The following RBFOX1 variants were observed in gnomAD, a reference collection of about 807,000 sequenced individuals.
The protein encoded by RBFOX1 is RNA binding fox-1 homolog 1, also known as RNA binding protein fox-1 homolog 1.
RBFOX1 carries 8 observed loss-of-function variants against 57.7 expected under a neutral mutation model. The ratio of observed to expected loss-of-function variants is 0.14; its 90% CI spans 0.08 to 0.25. The LOEUF is 0.25. RBFOX1 is among the 10% of genes least tolerant of loss of function. The pLI is 1.00. For synonymous variants in RBFOX1, 326 were observed against 222.4 expected (o/e 1.47, Z -4.15); for missense variants, 611 against 548.5 (o/e 1.11, Z -1.14).
At chr16:5,758,858 C>T (rs1254901106) in intron 3 of RBFOX1, among the ~76,000 whole-genome samples, 1 of 152,124 alleles carries the variant, frequency 6.6e-6, no homozygotes, top group Non-Finnish European at 1.5e-5. Context: ...TAATGTCCCA[C>T]TGTGGCAAAA....
chr16:5,310,305 G>A (rs1045671710), intron 1 of RBFOX1, among the ~76,000 whole-genome samples: 2 of 152,154 alleles, frequency 1.3e-5, no homozygotes, highest in African/African-American at 4.8e-5. Context: ...AGGAGGCTGA[G>A]GCAGAGAATT....
At chr16:6,355,032 C>A (rs1026892510) in intron 2 of RBFOX1, among the ~76,000 whole-genome samples, 1 of 152,148 alleles carries the variant, frequency 6.6e-6, no homozygotes, top group Non-Finnish European at 1.5e-5. Flanking sequence ...GCCTGACTTC[C>A]CAGTAGCAAA....
chr16:6,943,935 C>T (rs913502323), intron 3 of RBFOX1, among the ~76,000 whole-genome samples: 6 of 152,172 alleles, frequency 3.9e-5, no homozygotes, highest in Non-Finnish European at 8.8e-5. Context: ...TGACATATCC[C>T]TGGAGTCTCT....
chr16:6,522,568 A>G (rs2096522635), intron 2 of RBFOX1, among the ~76,000 whole-genome samples: 3 of 152,212 alleles, frequency 2.0e-5, no homozygotes. Flanking sequence ...AATTTAGCTG[A>G]CAGGAAAGTG....
chr16:7,083,573 A>C (rs2059528583), intron 4 of RBFOX1, among the ~76,000 whole-genome samples: 1 of 152,144 alleles, frequency 6.6e-6, no homozygotes. Flanking sequence ...GCTTTCTCAG[A>C]GCTTGTAAGA....
At chr16:5,898,762 T>TA (rs538721436) in intron 4 of RBFOX1, among the ~76,000 whole-genome samples, 5 of 151,784 alleles carry the variant, frequency 3.3e-5, no homozygotes, top group Admixed American at 1.3e-4. Context: ...TTAATTCATA[T>TA]AAAAAAATAG....
At chr16:5,770,710 G>C (rs11866128) in intron 3 of RBFOX1, among the ~76,000 whole-genome samples, 1,914 of 152,244 alleles carry the variant, frequency 0.013, 38 homozygotes, top group African/African-American at 0.043. Flanking sequence ...CTCAGTTTTG[G>C]TGCTCGCCTG....
chr16:6,417,709 A>T (rs1213648976), intron 2 of RBFOX1, among the ~76,000 whole-genome samples: 20 of 109,018 alleles, frequency 1.8e-4, no homozygotes, highest in Non-Finnish European at 1.9e-5. Context: ...TTTCTTTTTA[A>T]AAAAAAAAAA....
chr16:6,419,024 C>A (rs1383008815), intron 2 of RBFOX1, among the ~76,000 whole-genome samples: 2 of 152,212 alleles, frequency 1.3e-5, no homozygotes. Context: ...AGACTTTTCA[C>A]TGTGGCCGTT....
At chr16:6,194,802 CCTTCCCTT>C (rs1398549301) in intron 1 of RBFOX1, among the ~76,000 whole-genome samples, 1 of 152,180 alleles carries the variant, frequency 6.6e-6, no homozygotes, top group Non-Finnish European at 1.5e-5. Flanking sequence ...GTTTCGTGTA[CCTTCCCTT>C]GAGGGCAAGA....
At chr16:6,449,867 G>A (rs2094555187) in intron 2 of RBFOX1, among the ~76,000 whole-genome samples, 1 of 152,166 alleles carries the variant, frequency 6.6e-6, no homozygotes, top group Admixed American at 6.6e-5. Context: ...GATATGAGAG[G>A]CAGTATTCAG....
intron 4 of RBFOX1, among the ~76,000 whole-genome samples, chr16:6,002,222 C>T (rs564929879): frequency 6.6e-6 from 1 of 152,268 alleles, no homozygotes; most frequent in South Asian, 2.1e-4. Flanking sequence ...AATGATCCTC[C>T]CGCCCCAGCC....
intron 3 of RBFOX1, among the ~76,000 whole-genome samples, chr16:5,606,262 C>T (rs937227369): frequency 1.3e-5 from 2 of 152,114 alleles, no homozygotes; most frequent in African/African-American, 4.8e-5. Flanking sequence ...CTCCAGTGTC[C>T]ATGCCCCATG....
chr16:7,697,805 C>T (rs1268907550), intron 14 of RBFOX1, among the ~76,000 whole-genome samples: 2 of 152,124 alleles, frequency 1.3e-5, no homozygotes, highest in African/African-American at 4.8e-5. Flanking sequence ...TATCTTGCTC[C>T]TATGAAACTA....
intron 2 of RBFOX1, among the ~76,000 whole-genome samples, chr16:5,499,853 A>G (rs1015479278): frequency 1.3e-5 from 2 of 152,040 alleles, no homozygotes; most frequent in Non-Finnish European, 2.9e-5. Context: ...GATTACAGGC[A>G]TGAGCCACTG....
chr16:7,546,013 A>AT (rs1037233371), intron 5 of RBFOX1, among the ~76,000 whole-genome samples: 5 of 54,272 alleles, frequency 9.2e-5, no homozygotes, highest in Non-Finnish European at 2.9e-4. Flanking sequence ...CTCTGAGCTT[A>AT]TAAAAAAAAA....
chr16:6,525,506 G>A (rs1478848106), intron 2 of RBFOX1, among the ~76,000 whole-genome samples: 2 of 152,168 alleles, frequency 1.3e-5, no homozygotes, highest in Non-Finnish European at 2.9e-5. Flanking sequence ...CACTTTGTTG[G>A]TTGGTGCTGC....
At chr16:7,664,208 T>G (rs1296115791) in intron 12 of RBFOX1, among the ~76,000 whole-genome samples, 1 of 152,164 alleles carries the variant, frequency 6.6e-6, no homozygotes, top group East Asian at 1.9e-4. Flanking sequence ...TATAGACAAA[T>G]ACATGCATTC....
intron 9 of RBFOX1, among the ~76,000 whole-genome samples, chr16:7,605,005 C>A (rs1366182050): frequency 1.3e-5 from 2 of 151,894 alleles, no homozygotes; most frequent in African/African-American, 4.8e-5. Flanking sequence ...TAATATGACC[C>A]CATATAGAGT....
Sources: gnomAD v4.1 joint callset for allele counts (sites outside exome capture counted in the v4.1 genomes callset) on GRCh38, gnomAD v4.1.1 for gene constraint, MANE v1.5 for transcripts, NCBI Gene and HGNC (gene_info 2026-07-23, HGNC 2026-07-21) for gene names.